IGSF22: variants seen among roughly 807,000 people sequenced by gnomAD.
IGSF22 encodes the protein immunoglobulin superfamily, member 22.
In IGSF22, 119 loss-of-function variants were observed where a neutral mutation model predicts 127.0. The ratio of observed to expected loss-of-function variants is 0.94; its 90% CI spans 0.81 to 1.09. The LOEUF is 1.09. IGSF22 is among the 50% of genes least tolerant of loss of function. The pLI is 0.00. For missense variants in IGSF22, 1,518 were observed against 1,716.6 expected (o/e 0.88, Z 2.04); for synonymous variants, 568 against 664.7 (o/e 0.85, Z 2.24).
intron 4 of IGSF22, 81 bp downstream of exon 4, chr11:18,721,454 C>A: frequency 6.3e-7 from 1 of 1,581,552 alleles, no homozygotes; most frequent in East Asian, 2.2e-5. Context: ...AGGCTCTCAT[C>A]GGTGAGAAGA....
chr11:18,708,360 T>A, intron 18 of IGSF22, 65 bp from the exon 19 acceptor site: 1 of 1,329,118 alleles, frequency 7.5e-7, no homozygotes, highest in Non-Finnish European at 1.0e-6. Flanking sequence ...GCTTTAAGCC[T>A]CCTCATCAAA....
At position 18,713,833 on chromosome 11, in the gene IGSF22, G is replaced by C. The variant is rs11605980; in HGVS notation, c.2095+19C>G. 4.4e-6 allele frequency: 7 copies of C among 1,589,002 alleles called. No homozygotes were observed. In the African/African-American group the frequency reaches 9.4e-5, roughly 21 times the overall value. On this transcript the variant is annotated intron_variant, in intron 14 of 22. Coordinates refer to ENST00000513874, the MANE Select transcript of IGSF22 (RefSeq NM_173588.4). ...AGGTGCCCTCAGCTCAGCCCAGCCC[G>C]GACTGGCCCTGCCCTGACCCAGCAC...
At chr11:18,705,728 G>A in intron 22 of IGSF22, 89 bp downstream of exon 22, 1 of 1,185,240 alleles carries the variant, frequency 8.4e-7, no homozygotes, top group Non-Finnish European at 1.2e-6. Flanking sequence ...TTAAAAAACG[G>A]TGCCAGCCAA....
chr11:18,709,219 G>C lies in IGSF22; in HGVS notation c.2998+168C>G, dbSNP rs553563555. Among the ~76,000 whole-genome samples the C allele has an allele frequency of 1.7e-4, 26 of 152,330 alleles. No individual in the cohort carries two copies. Among genetic ancestry groups the C allele is most frequent in the African/African-American group, 6.0e-4 (25 of 41,572 alleles). ...TATTTGGCACACAATGATTGATTTA[G>C]TAGGGGTGCCCCTGAAGTTACCCCT... On this transcript the variant is annotated intron_variant, in intron 18 of 22. Transcript: ENST00000513874. This position sits in a 1 kb window ranked among gnomAD's most constrained non-coding sequence, Gnocchi z 4.8.
Position 18,712,328 on chromosome 11 carries a change from C to T in IGSF22, c.2152G>A (p.Val718Met). The change falls in exon 15 of 23, where the codon GTG becomes ATG. Residue 718 changes from valine to methionine, a missense_variant. Around this residue, in one of 3 missense-constraint regions of IGSF22, gnomAD observed 1,456 missense variants for 1,644.9 expected, o/e 0.89. Coordinates refer to ENST00000513874, the MANE Select transcript of IGSF22 (RefSeq NM_173588.4). ...VEFLELSGSCVHMKWKAPKDN... is the reference protein window; with the variant it reads ...VEFLELSGSCMHMKWKAPKDN... ...TTTGGGGCCTTCCACTTCATGTGCA[C>T]ACAACTACCTGAGAGCTCCAGGAAC... is the stretch of plus-strand genomic sequence containing the variant. 6.4e-7 allele frequency: 1 copy of T among 1,551,712 alleles called. No homozygotes were observed. The highest frequency in any genetic ancestry group is 8.7e-7 in the Non-Finnish European group (1 of 1,146,986).
At chr11:18,721,711 C>T (rs1161783592) in intron 3 of IGSF22, 40 bp from the exon 4 acceptor site, 4 of 1,611,848 alleles carry the variant, frequency 2.5e-6, no homozygotes, top group Non-Finnish European at 3.4e-6. Context: ...TCTTAGCCAC[C>T]AGGCTAGAGC....
intron 9 of IGSF22, 140 bp from the exon 10 acceptor site, chr11:18,717,140 G>A (rs1564873805): frequency 3.5e-6 from 3 of 855,632 alleles, no homozygotes; most frequent in African/African-American, 1.7e-5. Context: ...TTGTTTTCGA[G>A]CCCTTCTCTC....
In IGSF22 at chr11:18,709,115, G is replaced by A. The variant is rs568152226; in HGVS notation, c.2998+272C>T. On this transcript the variant is annotated intron_variant, in intron 18 of 22. Transcript: ENST00000513874. This position sits in a 1 kb window ranked among gnomAD's most constrained non-coding sequence, Gnocchi z 4.8. ...TTAAACTCTTTGTTGCAATGCTGTGGTCTCAGTGAACTGGTTTTGCGTGTA... is the reference window on the plus strand; with the variant it reads ...TTAAACTCTTTGTTGCAATGCTGTGATCTCAGTGAACTGGTTTTGCGTGTA... 2.0e-5 allele frequency among the ~76,000 whole-genome samples: 3 copies of A among 152,336 alleles called. 1 individual carries two copies. Among genetic ancestry groups the A allele is most frequent in the Admixed American group, 2.0e-4 (3 of 15,308 alleles).
At chr11:18,707,307 TG>T in intron 20 of IGSF22, 94 bp from the exon 21 acceptor site, 1 of 1,168,236 alleles carries the variant, frequency 8.6e-7, no homozygotes, top group Non-Finnish European at 1.2e-6. Context: ...GAAGATAAGA[TG>T]GGGCAAGTCT....
rs1352484977 is a variant in IGSF22 at position 18,710,435 on chromosome 11, C to T, written c.2593G>A (p.Gly865Ser). Residue 865 changes from glycine to serine, a missense_variant, in exon 17 of 23, where the codon GGT (glycine) becomes AGT (serine). Physicochemically the swap from Gly to Ser is moderately conservative, Grantham distance 56. Around this residue, in one of 3 missense-constraint regions of IGSF22, gnomAD observed 1,456 missense variants for 1,644.9 expected, o/e 0.89. Transcript: ENST00000513874. ...TCATATTCTGTGTCCTCCAGGAGACCATCCACAGTGCACTTGGTGCCTGAA... is the reference window on the plus strand; with the variant it reads ...TCATATTCTGTGTCCTCCAGGAGACTATCCACAGTGCACTTGGTGCCTGAA... Reference protein sequence around the residue: ...PIQGTKCTVDGLLEDTEYEFR... With the variant: ...PIQGTKCTVDSLLEDTEYEFR... 1 of 1,614,140 alleles carries T rather than the reference C, an allele frequency of 6.2e-7. No homozygotes were observed. Among genetic ancestry groups the T allele is most frequent in the Non-Finnish European group, 8.5e-7 (1 of 1,180,038 alleles).
chr11:18,706,178 G>A (rs1848225869), intron 21 of IGSF22, 32 bp from the exon 22 acceptor site: 1 of 1,509,774 alleles, frequency 6.6e-7, no homozygotes, highest in Non-Finnish European at 8.9e-7. Context: ...GGCCGTGAGG[G>A]CGCCCCAAGG....
intron 4 of IGSF22, among the ~76,000 whole-genome samples, chr11:18,721,145 G>C (rs1590455679): frequency 6.6e-6 from 1 of 152,138 alleles, no homozygotes; most frequent in African/African-American, 2.4e-5. Flanking sequence ...CCTACTCTAC[G>C]GCGAGTCCCT....
In IGSF22 at chr11:18,705,874, C is replaced by T; in HGVS notation, c.3853G>A (p.Val1285Met). The change falls in exon 22 of 23, where the codon GTG becomes ATG. Residue 1285 changes from valine to methionine, a missense_variant. By Grantham distance (21) the Val-to-Met change is conservative (BLOSUM62 1). This residue lies in a region of IGSF22 where 58 missense variants were observed against 53.0 expected (regional missense o/e 1.10). Transcript: ENST00000513874. ...CTLKDSGDYS[V>M]LVENELGKDR... The stretch of plus-strand genomic sequence containing the variant: ...TTGCCCAGCTCGTTCTCCACCAGCA[C>T]GCTGTAATCGCCGCTGTCCTTGAGC... The T allele has an allele frequency of 6.4e-7, 1 of 1,551,494 alleles. No individual in the cohort carries two copies. The highest frequency in any genetic ancestry group is 8.7e-7 in the Non-Finnish European group (1 of 1,146,968).
chr11:18,710,757 C>A lies in IGSF22; in HGVS notation c.2470G>T (p.Ala824Ser). The change falls in exon 16 of 23, where the codon GCC becomes TCC. Residue 824 changes from alanine to serine, a missense_variant. Ala to Ser is a moderately conservative substitution (Grantham distance 99, BLOSUM62 1). Around this residue, in one of 3 missense-constraint regions of IGSF22, gnomAD observed 1,456 missense variants for 1,644.9 expected, o/e 0.89. Transcript: ENST00000513874. Reference protein sequence around the residue: ...TKEAVTITWNAPTQDGGAPVL... With the variant: ...TKEAVTITWNSPTQDGGAPVL... ...GGGGCTCCCCCATCCTGGGTAGGGG[C>A]ATTCCACGTGATGGTCACGGCTTCT... 6.2e-7 allele frequency: 1 copy of A among 1,614,190 alleles called. No homozygotes were observed.
intron 4 of IGSF22, among the ~76,000 whole-genome samples, chr11:18,720,829 G>C (rs1407777596): frequency 2.0e-5 from 3 of 152,156 alleles, no homozygotes; most frequent in Non-Finnish European, 4.4e-5. Flanking sequence ...TGCTGTGGGG[G>C]GCTTAGGGTC....
chr11:18,717,689 C>T (rs959078167), intron 9 of IGSF22, among the ~76,000 whole-genome samples: 10 of 152,136 alleles, frequency 6.6e-5, no homozygotes, highest in Admixed American at 2.0e-4. Flanking sequence ...TGAGCCACCA[C>T]GCCTGGCCTA....
rs1281439060 is a variant in IGSF22 at position 18,720,174 on chromosome 11, G to A, written c.478+12C>T. On this transcript the variant is annotated intron_variant, in intron 5 of 22. Transcript: ENST00000513874. Reference sequence around the variant, plus strand: ...CCTAAGAAGAAAGGCCAAGAGGAAGGGGCCAACTCACCTTCTGTTACCAGC... The same window carrying A: ...CCTAAGAAGAAAGGCCAAGAGGAAGAGGCCAACTCACCTTCTGTTACCAGC... 1 of 1,613,882 alleles carries A rather than the reference G, an allele frequency of 6.2e-7. No individual in the cohort carries two copies. Among genetic ancestry groups the A allele is most frequent in the Non-Finnish European group, 8.5e-7 (1 of 1,179,748 alleles).
In IGSF22 at chr11:18,715,652, G is replaced by A; in HGVS notation, c.1311C>T (p.Cys437=). The part of the protein sequence containing the change: ...NVRVKERSRA[C]LECELTSKDV... ...CCTTGGATGTCAGCTCACACTCCAG[G>A]CATGCGCGACTCCTCTCTTTCACAC... Residue 437 remains cysteine, a synonymous_variant, in exon 11 of 23, where the codon TGC becomes TGT. Transcript: ENST00000513874. 6.2e-7 allele frequency: 1 copy of A among 1,613,846 alleles called. No individual in the cohort carries two copies. The highest frequency in any genetic ancestry group is 8.5e-7 in the Non-Finnish European group (1 of 1,179,996).
Position 18,713,889 on chromosome 11 carries a change from G to A in IGSF22, c.2058C>T (p.His686=), listed in dbSNP as rs780836413. 2.5e-6 allele frequency: 4 copies of A among 1,614,208 alleles called. No homozygotes were observed. The highest frequency in any genetic ancestry group is 2.2e-5 in the South Asian group (2 of 91,080). The change falls in exon 14 of 23, where the codon CAC becomes CAT. Residue 686 remains histidine (H), a synonymous_variant. Transcript: ENST00000513874. ...GGTGCAGAGTGGCCGTGGCTGAGCC[G>A]TGGTCATTCTTGAGCTTGAGCAGGA... ...GLILLKLKND[H]GSATATLHLS... is the part of the protein sequence containing the mutation.
Sources: gnomAD v4.1 joint callset for allele counts (sites outside exome capture counted in the v4.1 genomes callset) on GRCh38, gnomAD v4.1.1 for gene constraint, gnomAD v4.1.1 regional missense constraint, Gnocchi (gnomAD v3.1) non-coding constraint, MANE v1.5 for transcripts, NCBI Gene and HGNC (gene_info 2026-07-23, HGNC 2026-07-21) for gene names.